The following RGS8 variants were observed in gnomAD, a reference collection of about 807,000 sequenced individuals.
The protein encoded by RGS8 is regulator of G protein signaling 8.
RGS8 carries 8 observed loss-of-function variants against 21.7 expected under a neutral mutation model. The ratio of observed to expected loss-of-function variants is 0.37; its 90% CI spans 0.22 to 0.66. The LOEUF is 0.66. Ranked by LOEUF, RGS8 falls within the 30% of genes least tolerant of loss-of-function variation. The pLI is 0.59. For missense variants in RGS8, 157 were observed against 217.9 expected, an observed-to-expected ratio of 0.72 and a Z score of 1.76; for synonymous variants, 80 against 83.6, an observed-to-expected ratio of 0.96 and a Z score of 0.24.
the RGS8 span, among the ~76,000 whole-genome samples, chr1:182,706,360 C>T: frequency 6.6e-6 from 1 of 152,182 alleles, no homozygotes; most frequent in African/African-American, 2.4e-5. Flanking sequence ...ATCGTGCCAC[C>T]TGCTAGAACT....
At chr1:182,710,248 G>A in the RGS8 span, among the ~76,000 whole-genome samples, 3 of 152,122 alleles carry the variant, frequency 2.0e-5, no homozygotes, top group Admixed American at 6.5e-5. Context: ...AATGAACAAA[G>A]TGCAATTCCT....
chr1:182,683,707 A>C (rs1040543382), intron 1 of RGS8, among the ~76,000 whole-genome samples: 4 of 151,346 alleles, frequency 2.6e-5, no homozygotes, highest in Non-Finnish European at 5.9e-5. Flanking sequence ...CGGACTCTTC[A>C]GTCCCTGTAG....
the RGS8 span, among the ~76,000 whole-genome samples, chr1:182,738,621 G>A: frequency 6.6e-6 from 1 of 152,088 alleles, no homozygotes; most frequent in Non-Finnish European, 1.5e-5. Flanking sequence ...TACCCTTTAT[G>A]GCCAATCCTG....
chr1:182,715,343 G>A, the RGS8 span, among the ~76,000 whole-genome samples: 1 of 152,164 alleles, frequency 6.6e-6, no homozygotes, highest in South Asian at 2.1e-4. Flanking sequence ...AAAGCAGGCA[G>A]TTACTCTCAC....
At chr1:182,651,160 A>T (rs1662995296) in intron 5 of RGS8, among the ~76,000 whole-genome samples, 1 of 152,250 alleles carries the variant, frequency 6.6e-6, no homozygotes, top group African/African-American at 2.4e-5. Flanking sequence ...TTAGGCAGAG[A>T]TGGACTGAGA....
At chr1:182,682,491 A>T (rs1474520048) in intron 1 of RGS8, among the ~76,000 whole-genome samples, 1 of 152,098 alleles carries the variant, frequency 6.6e-6, no homozygotes, top group Non-Finnish European at 1.5e-5. Context: ...TGTTCTAGGA[A>T]GTTGGGAGAA....
upstream of RGS8, among the ~76,000 whole-genome samples, chr1:182,685,875 T>A (rs1664689741): frequency 1.3e-5 from 2 of 152,144 alleles, no homozygotes; most frequent in Non-Finnish European, 2.9e-5. Flanking sequence ...TAAGACCTCC[T>A]TGTCATGTAT....
At chr1:182,724,894 C>T in the RGS8 span, among the ~76,000 whole-genome samples, 3 of 152,090 alleles carry the variant, frequency 2.0e-5, no homozygotes, top group African/African-American at 7.2e-5. Context: ...GAGAGGTTGA[C>T]CAAAGCTTTA....
chr1:182,652,102 AG>A (rs1456260784), intron 5 of RGS8, among the ~76,000 whole-genome samples: 3 of 152,362 alleles, frequency 2.0e-5, no homozygotes, highest in African/African-American at 7.2e-5. Flanking sequence ...ATAACTGGAA[AG>A]TGACTTGGAA....
At chr1:182,716,689 G>A in the RGS8 span, among the ~76,000 whole-genome samples, 1 of 152,004 alleles carries the variant, frequency 6.6e-6, no homozygotes, top group Non-Finnish European at 1.5e-5. Flanking sequence ...TGTAGCCTGA[G>A]TTTAAACCAT....
the RGS8 span, among the ~76,000 whole-genome samples, chr1:182,742,008 TCTC>T: frequency 8.8e-6 from 1 of 113,932 alleles, no homozygotes; most frequent in African/African-American, 3.5e-5. Flanking sequence ...AGGCAGAGGG[TCTC>T]CTCACTTCTC....
upstream of RGS8, among the ~76,000 whole-genome samples, chr1:182,675,946 G>A (rs1431726002): frequency 5.3e-5 from 8 of 151,948 alleles, no homozygotes; most frequent in South Asian, 4.2e-4. Flanking sequence ...AGTAAATGTC[G>A]GCTAAATTTG....
At chr1:182,710,136 T>G in the RGS8 span, among the ~76,000 whole-genome samples, 1,249 of 152,268 alleles carry the variant, frequency 8.2e-3, 20 homozygotes, top group African/African-American at 0.029. Flanking sequence ...GACCTAAAGT[T>G]ATGGCCCAAA....
At chr1:182,717,309 G>A in the RGS8 span, among the ~76,000 whole-genome samples, 1 of 152,226 alleles carries the variant, frequency 6.6e-6, no homozygotes, top group East Asian at 1.9e-4. Flanking sequence ...GCTGAGGCCG[G>A]AGGAGCAAGA....
At chr1:182,686,174 T>G (rs1468141355), upstream of RGS8, among the ~76,000 whole-genome samples, 1 of 152,126 alleles carries the variant, frequency 6.6e-6, no homozygotes, top group Non-Finnish European at 1.5e-5. Flanking sequence ...ACCTGGTATG[T>G]TTGGGAAACA....
At chr1:182,694,390 T>C in the RGS8 span, among the ~76,000 whole-genome samples, 62 of 152,338 alleles carry the variant, frequency 4.1e-4, no homozygotes, top group East Asian at 0.011. Context: ...CAGTGTCCAC[T>C]GTGGCCTTGC....
At chr1:182,708,273 C>G in the RGS8 span, among the ~76,000 whole-genome samples, 1 of 152,196 alleles carries the variant, frequency 6.6e-6, no homozygotes, top group Admixed American at 6.5e-5. Flanking sequence ...ACTCAAGCCT[C>G]ATCCCTTCAC....
At chr1:182,702,183 G>A in the RGS8 span, among the ~76,000 whole-genome samples, 1 of 152,180 alleles carries the variant, frequency 6.6e-6, no homozygotes, top group Non-Finnish European at 1.5e-5. Flanking sequence ...TGTTGGGTTG[G>A]ATAAAGAAAA....
At chr1:182,720,649 G>A in the RGS8 span, among the ~76,000 whole-genome samples, 2 of 151,934 alleles carry the variant, frequency 1.3e-5, no homozygotes, top group Admixed American at 6.6e-5. Flanking sequence ...CATGTTCTGA[G>A]CATGCCCAGT....
Sources: allele counts gnomAD v4.1 joint callset (sites outside exome capture counted in the v4.1 genomes callset), GRCh38; gene constraint gnomAD v4.1.1; transcripts MANE v1.5; gene names NCBI Gene and HGNC (gene_info 2026-07-23, HGNC 2026-07-21).